Variants in SUMO3 observed in about 807,000 individuals in gnomAD.
SUMO3 encodes the protein small ubiquitin like modifier 3.
Under a neutral mutation model 11.1 loss-of-function variants are expected in SUMO3, and 2 were observed. The observed-to-expected ratio is 0.18, with a 90% CI of 0.07 to 0.57. The LOEUF (loss-of-function observed/expected upper bound fraction) is 0.57, where lower values mean the gene tolerates loss of function less well. SUMO3 is among the 20% of genes least tolerant of loss of function. The pLI is 0.92. For synonymous variants in SUMO3, 56 were observed against 53.5 expected, an observed-to-expected ratio of 1.05 and a Z score of -0.20; for missense variants, 70 against 132.8, an observed-to-expected ratio of 0.53 and a Z score of 2.32.
chr21:44,818,041 G>T lies in SUMO3; in HGVS notation c.-73C>A. ...GCGGGCGAGTCACGCTCTCGGCCCC[G>T]CCGCTCTCCCGCCGCAACTGTGCGC... On this transcript the variant is annotated 5_prime_UTR_variant, in exon 1 of 4. Coordinates refer to ENST00000332859, the MANE Select transcript of SUMO3 (RefSeq NM_006936.3). 8.9e-7 allele frequency: 1 copy of T among 1,126,100 alleles called. No individual in the cohort carries two copies. Among genetic ancestry groups the T allele is most frequent in the Non-Finnish European group, 1.1e-6 (1 of 907,946 alleles). The allele number at this position is 1,126,100 out of a possible 1,614,324, so 69.8% of individuals were successfully genotyped here.
At chr21:44,813,532 AC>A (rs1216549216) in intron 2 of SUMO3, 1 of 373,374 alleles carries the variant, frequency 2.7e-6, no homozygotes, top group African/African-American at 2.0e-5. Flanking sequence ...GGAAAACCAC[AC>A]CGCACATGAG....
chr21:44,807,857 C>T lies in SUMO3; in HGVS notation c.223-817G>A, dbSNP rs1321738564. ...CCCCAGTCAAGCCCCAGAGACTCCACGAGGCCCTCCCTGCTCAGCTGCTCT... is the reference window on the plus strand; with the variant it reads ...CCCCAGTCAAGCCCCAGAGACTCCATGAGGCCCTCCCTGCTCAGCTGCTCT... On this transcript the variant is annotated intron_variant, in intron 3 of 3. Coordinates refer to ENST00000332859, the MANE Select transcript of SUMO3 (RefSeq NM_006936.3). The surrounding 1 kb of genome is among the most constrained non-coding windows in gnomAD (Gnocchi z 4.3). 1.3e-5 allele frequency among the ~76,000 whole-genome samples: 2 copies of T among 152,200 alleles called. No homozygotes were observed. The highest frequency in any genetic ancestry group is 2.9e-5 in the Non-Finnish European group (2 of 68,036).
Position 44,806,934 on chromosome 21 carries a change from G to C in SUMO3, c.*17C>G, listed in dbSNP as rs148509510. ...CAGCAATGCGAGGATGGACGGCCCG[G>C]GCTGGGGACGGGCCCTCTAGAAACT... On this transcript the variant is annotated 3_prime_UTR_variant, in exon 4 of 4. Coordinates refer to ENST00000332859, the MANE Select transcript of SUMO3 (RefSeq NM_006936.3). The C allele has an allele frequency of 9.5e-3, 15,378 of 1,613,996 alleles. 104 individuals are homozygous for C. Among genetic ancestry groups the C allele is most frequent in the South Asian group, 0.015 (1,373 of 91,074 alleles).
At chr21:44,808,851 A>C (rs2083193833) in intron 3 of SUMO3, 196 bp downstream of exon 3, 6 of 679,916 alleles carry the variant, frequency 8.8e-6, no homozygotes, top group Non-Finnish European at 1.5e-5. Flanking sequence ...AAACAGCAAG[A>C]ATGATGTCTG....
chr21:44,813,114 G>A (rs976171072), intron 2 of SUMO3, among the ~76,000 whole-genome samples: 2 of 152,234 alleles, frequency 1.3e-5, no homozygotes, highest in African/African-American at 2.4e-5. Flanking sequence ...ATCCAAAGTG[G>A]GAGGGAAAGA....
intron 1 of SUMO3, among the ~76,000 whole-genome samples, chr21:44,815,076 C>A (rs991267823): frequency 2.0e-5 from 3 of 152,204 alleles, no homozygotes; most frequent in Non-Finnish European, 4.4e-5. Flanking sequence ...AAGTCTGGGG[C>A]GTCCTGGTAC....
chr21:44,809,472 T>TA (rs1334849302), intron 2 of SUMO3, among the ~76,000 whole-genome samples: 1 of 152,186 alleles, frequency 6.6e-6, no homozygotes, highest in Non-Finnish European at 1.5e-5. Context: ...GGGAACTTCT[T>TA]AAAGCCAAAC....
At chr21:44,817,565 G>C (rs925980533) in intron 1 of SUMO3, among the ~76,000 whole-genome samples, 1 of 152,084 alleles carries the variant, frequency 6.6e-6, no homozygotes, top group East Asian at 2.0e-4. Context: ...AATGACTCAG[G>C]AGAGGAGCAC....
intron 2 of SUMO3, 198 bp downstream of exon 2, chr21:44,813,778 C>T: frequency 2.0e-6 from 3 of 1,482,686 alleles, no homozygotes. Flanking sequence ...GTCCCTCCAC[C>T]TTATAAAAGG....
rs927549516 is a variant in SUMO3, at chr21:44,807,593, A to G, written c.223-553T>C. On this transcript the variant is annotated intron_variant, in intron 3 of 3. Transcript: ENST00000332859. The surrounding 1 kb of genome is among the most constrained non-coding windows in gnomAD (Gnocchi z 4.3). ...CCCCGCTCACTTCTCTCCTCCTGAC[A>G]CAGTGGGCGCAAAACACCCACCCTG... 1.3e-5 allele frequency among the ~76,000 whole-genome samples: 2 copies of G among 151,970 alleles called. No homozygotes were observed. Among genetic ancestry groups the G allele is most frequent in the East Asian group, 3.9e-4 (2 of 5,180 alleles).
Position 44,810,932 on chromosome 21 carries a change from CCACACCCACACACATGCA to C in SUMO3, c.151-1832_151-1815del, listed in dbSNP as rs1371287421. ...CACACATGCCCACACCCACACATGC[CCACACCCACACACATGCA>C]CACACCCACACATGCACACCCATGC... On this transcript the variant is annotated intron_variant, in intron 2 of 3. Coordinates refer to ENST00000332859, the MANE Select transcript of SUMO3 (RefSeq NM_006936.3). The surrounding 1 kb of genome is among the most constrained non-coding windows in gnomAD (Gnocchi z 4.1). Among the ~76,000 whole-genome samples, 1 of 147,696 alleles carries C rather than the reference CCACACCCACACACATGCA, an allele frequency of 6.8e-6. No individual in the cohort carries two copies. Among genetic ancestry groups the C allele is most frequent in the Non-Finnish European group, 1.5e-5 (1 of 66,700 alleles).
rs1000436887 is a variant in SUMO3, at chr21:44,810,927, C to G, written c.151-1809G>C. Among the ~76,000 whole-genome samples the G allele has an allele frequency of 6.6e-6, 1 of 151,854 alleles. No homozygotes were observed. Among genetic ancestry groups the G allele is most frequent in the African/African-American group, 2.4e-5 (1 of 41,316 alleles). ...AGGCACACACATGCCCACACCCACA[C>G]ATGCCCACACCCACACACATGCACA... On this transcript the variant is annotated intron_variant, in intron 2 of 3. Coordinates refer to ENST00000332859, the MANE Select transcript of SUMO3 (RefSeq NM_006936.3). The surrounding 1 kb of genome is among the most constrained non-coding windows in gnomAD (Gnocchi z 4.1).
chr21:44,808,424 A>G, intron 3 of SUMO3: 1 of 1,167,794 alleles, frequency 8.6e-7, no homozygotes, highest in Non-Finnish European at 1.2e-6. Flanking sequence ...GAGGCAGGAG[A>G]ATGGCGTGAA....
At chr21:44,816,921 C>A (rs574228309) in intron 1 of SUMO3, among the ~76,000 whole-genome samples, 59 of 83,216 alleles carry the variant, frequency 7.1e-4, no homozygotes, top group South Asian at 2.7e-3. Flanking sequence ...GGTGGGCGCA[C>A]ATCGTGGAGG....
chr21:44,815,447 C>A (rs900753335), intron 1 of SUMO3, among the ~76,000 whole-genome samples: 1 of 152,228 alleles, frequency 6.6e-6, no homozygotes. Context: ...CCCCTGCCCA[C>A]TCCCGGGATG....
Position 44,813,959 on chromosome 21 carries a change from G to A in SUMO3, c.150+17C>T, listed in dbSNP as rs1251326759. 7 of 1,608,222 alleles carry A rather than the reference G, an allele frequency of 4.4e-6. No homozygotes were observed. The South Asian group carries it at 7.7e-5, about 18-fold the overall frequency. ...TGCGCACACGGGGAGGCTCTGCGGG[G>A]GAGCAAGGTGCCGCACCTGCCTCTC... On this transcript the variant is annotated intron_variant, in intron 2 of 3. Coordinates refer to ENST00000332859, the MANE Select transcript of SUMO3 (RefSeq NM_006936.3).
intron 2 of SUMO3, 86 bp from the exon 3 acceptor site, chr21:44,809,204 T>C: frequency 7.4e-7 from 1 of 1,355,636 alleles, no homozygotes; most frequent in East Asian, 2.3e-5. Context: ...TGACAAGCCC[T>C]GGAGAGGAAA....
chr21:44,813,788 G>A, intron 2 of SUMO3, 188 bp downstream of exon 2: 3 of 1,494,536 alleles, frequency 2.0e-6, no homozygotes, highest in African/African-American at 1.4e-5. Context: ...CTTATAAAAG[G>A]CCATGGGGGA....
rs368345123 is a variant in SUMO3 at position 44,806,193 on chromosome 21, G to A, written c.*758C>T. On this transcript the variant is annotated 3_prime_UTR_variant, in exon 4 of 4. Coordinates refer to ENST00000332859, the MANE Select transcript of SUMO3 (RefSeq NM_006936.3). ...TGGGAATTTCTTCAATATTAAGAGGGAGAAAAAGGCCAATTTTGGTTGTGC... is the reference window on the plus strand; with the variant it reads ...TGGGAATTTCTTCAATATTAAGAGGAAGAAAAAGGCCAATTTTGGTTGTGC... 1 of 149,978 alleles carries A rather than the reference G, an allele frequency of 6.7e-6. No homozygotes were observed. The highest frequency in any genetic ancestry group is 2.4e-5 in the African/African-American group (1 of 40,900). The allele number at this position is 149,978 out of a possible 1,614,324, so 9.3% of individuals were successfully genotyped here. A position where few individuals can be genotyped will look rare whatever the true frequency, so the allele number is the denominator to read the frequency against.
Sources: gnomAD v4.1 joint callset for allele counts (sites outside exome capture counted in the v4.1 genomes callset) on GRCh38, gnomAD v4.1.1 for gene constraint, Gnocchi (gnomAD v3.1) non-coding constraint, MANE v1.5 for transcripts, NCBI Gene and HGNC (gene_info 2026-07-23, HGNC 2026-07-21) for gene names.